The following CYP11A1 variants were observed in gnomAD, a reference collection of about 807,000 sequenced individuals.
CYP11A1 encodes the protein cholesterol side-chain cleavage enzyme, mitochondrial.
A neutral mutation model predicts 51.9 loss-of-function variants in CYP11A1; 25 were observed. The observed-to-expected ratio is 0.48, with a 90% confidence interval of 0.35 to 0.67. The LOEUF is 0.67. Among genes scored for constraint, CYP11A1 ranks in the 30% least tolerant of loss-of-function variants. The probability of loss-of-function intolerance (pLI) is 0.00; values close to 1 mark genes in which losing one functional copy is unlikely to be tolerated. For missense variants in CYP11A1, 578 were observed against 680.9 expected, an observed-to-expected ratio of 0.85 and a Z score of 1.68; for synonymous variants, 245 against 262.1, an observed-to-expected ratio of 0.93 and a Z score of 0.63.
At chr15:74,349,969 A>G (rs1167630064) in intron 1 of CYP11A1, among the ~76,000 whole-genome samples, 1 of 152,178 alleles carries the variant, frequency 6.6e-6, no homozygotes, top group Non-Finnish European at 1.5e-5. Context: ...GTAAATATTA[A>G]TAAGATAGAT....
In CYP11A1 at chr15:74,345,706, A is replaced by G. The variant is rs2060629775; in HGVS notation, c.426-463T>C. On this transcript the variant is annotated intron_variant, in intron 2 of 8. Transcript: ENST00000268053. This position sits in a 1 kb window ranked among gnomAD's most constrained non-coding sequence, Gnocchi z 4.3. ...GCCTCTCCTCCTCTGCACCCCCAAC[A>G]CGTCCCATTACTCACTTCTGTCGGG... 6.6e-6 allele frequency among the ~76,000 whole-genome samples: 1 copy of G among 151,884 alleles called. No individual in the cohort carries two copies. The highest frequency in any genetic ancestry group is 2.1e-4 in the South Asian group (1 of 4,814).
rs1010174405 is a variant in CYP11A1 at position 74,345,540 on chromosome 15, T to C, written c.426-297A>G. 2.0e-5 allele frequency among the ~76,000 whole-genome samples: 3 copies of C among 152,188 alleles called. No individual in the cohort carries two copies. The highest frequency in any genetic ancestry group is 4.4e-5 in the Non-Finnish European group (3 of 68,030). On this transcript the variant is annotated intron_variant, in intron 2 of 8. Coordinates refer to ENST00000268053, the MANE Select transcript of CYP11A1 (RefSeq NM_000781.3). This position sits in a 1 kb window ranked among gnomAD's most constrained non-coding sequence, Gnocchi z 4.3. ...ATATTCTTAGAACCCTTTGTGTAACTTTCAGTCTCTCCAGTCTTTGCCTCA... is the reference window on the plus strand; with the variant it reads ...ATATTCTTAGAACCCTTTGTGTAACCTTCAGTCTCTCCAGTCTTTGCCTCA...
chr15:74,358,195 C>T (rs1043447189), intron 1 of CYP11A1, among the ~76,000 whole-genome samples: 1 of 152,206 alleles, frequency 6.6e-6, no homozygotes, highest in Non-Finnish European at 1.5e-5. Context: ...TCCCATTGCT[C>T]TGGGCAATGC....
rs756539849 is a variant in CYP11A1, at chr15:74,345,138, G to C, written c.531C>G (p.Asp177Glu). 4 of 1,614,158 alleles carry C rather than the reference G, an allele frequency of 2.5e-6. No individual in the cohort carries two copies. In the Admixed American group the frequency reaches 6.7e-5, roughly 27 times the overall value. The stretch of plus-strand genomic sequence containing the variant: ...TGCGCCTGTGCAGGACACTGACGAA[G>C]TCCCGAGACACTGCATCCAACAGGG... ...FLPLLDAVSR[D>E]FVSVLHRRIK... is the part of the protein sequence containing the mutation. Residue 177 changes from aspartate to glutamate, a missense_variant, in exon 3 of 9, where the codon GAC becomes GAG. Coordinates refer to ENST00000268053, the MANE Select transcript of CYP11A1 (RefSeq NM_000781.3). The surrounding 1 kb of genome is among the most constrained non-coding windows in gnomAD (Gnocchi z 4.3).
At chr15:74,338,520 A>G (rs774511568) in intron 8 of CYP11A1, 51 bp downstream of exon 8, 3 of 1,589,028 alleles carry the variant, frequency 1.9e-6, no homozygotes, top group Non-Finnish European at 2.6e-6. Flanking sequence ...TGGTGCCTTC[A>G]TTAGGGCCAG....
intron 5 of CYP11A1, among the ~76,000 whole-genome samples, chr15:74,340,260 C>T (rs1224618031): frequency 1.3e-5 from 2 of 152,212 alleles, no homozygotes; most frequent in African/African-American, 2.4e-5. Context: ...CCAGACCAGC[C>T]GGATGTTTCC....
intron 1 of CYP11A1, chr15:74,359,441 A>G (rs1567057114): frequency 6.6e-6 from 1 of 152,368 alleles, no homozygotes; most frequent in Non-Finnish European, 1.5e-5. Context: ...ACCTGCACGT[A>G]TGCACCCAGA....
In CYP11A1 at chr15:74,348,164, G is replaced by A. The variant is rs777330595; in HGVS notation, c.270-109C>T. Reference sequence around the variant, plus strand: ...ACAACTTGCTGACTGTGGGACCTGAGTCGAGGCCCTTAACCCCTCTGAGTC... The same window carrying A: ...ACAACTTGCTGACTGTGGGACCTGAATCGAGGCCCTTAACCCCTCTGAGTC... On this transcript the variant is annotated intron_variant, in intron 1 of 8. Transcript: ENST00000268053. 7.0e-6 allele frequency: 9 copies of A among 1,290,702 alleles called. No individual in the cohort carries two copies. The Admixed American group carries it at 1.6e-4, about 23-fold the overall frequency. 80.0% of individuals were successfully genotyped at this position (1,290,702 alleles called of 1,614,324 possible).
intron 1 of CYP11A1, 92 bp from the exon 2 acceptor site, chr15:74,348,147 C>G: frequency 6.8e-7 from 1 of 1,465,478 alleles, no homozygotes; most frequent in Non-Finnish European, 9.4e-7. Flanking sequence ...CCACAACTTG[C>G]TGACTGTGGG....
chr15:74,366,601 T>G (rs1394345948), intron 1 of CYP11A1: 3 of 151,714 alleles, frequency 2.0e-5, no homozygotes, highest in African/African-American at 4.9e-5. Context: ...ATTACAAGCG[T>G]GAGCCACCGC....
rs2060739535 is a variant in CYP11A1, at chr15:74,367,434, A to T, written c.152T>A (p.Ile51Asn). 1.2e-6 allele frequency: 2 copies of T among 1,614,046 alleles called. No homozygotes were observed. The highest frequency in any genetic ancestry group is 1.7e-6 in the Non-Finnish European group (2 of 1,180,042). Residue 51 changes from isoleucine (I) to asparagine (N), a missense_variant, in exon 1 of 9, where the codon ATC becomes AAC. Physicochemically the swap from Ile to Asn is moderately radical, Grantham distance 149. Coordinates refer to ENST00000268053, the MANE Select transcript of CYP11A1 (RefSeq NM_000781.3). ...STRSPRPFNE[I>N]PSPGDNGWLN... is the part of the protein sequence containing the mutation. Reference sequence around the variant, plus strand: ...CCAGCCATTGTCACCAGGAGAGGGGATCTCATTGAAGGGGCGAGGACTGCG... The same window carrying T: ...CCAGCCATTGTCACCAGGAGAGGGGTTCTCATTGAAGGGGCGAGGACTGCG...
At chr15:74,362,703 A>T (rs1382357307) in intron 1 of CYP11A1, 1 of 152,284 alleles carries the variant, frequency 6.6e-6, no homozygotes, top group Non-Finnish European at 1.5e-5. Context: ...AAGTTCACAG[A>T]TTAAGACTTC....
At position 74,345,084 on chromosome 15, in the gene CYP11A1, C is replaced by T. The variant is rs771665524; in HGVS notation, c.585G>A (p.Ser195=). The T allele has an allele frequency of 1.2e-5, 20 of 1,613,904 alleles. No individual in the cohort carries two copies. The highest frequency in any genetic ancestry group is 3.3e-5 in the Admixed American group (2 of 59,996). The part of the protein sequence containing the change: ...RIKKAGSGNY[S]GDISDDLFRF... ...GGAACAGGTCATCACTGATGTCCCC[C>T]GAGTAATTTCCGGAGCCCGCCTTCT... Residue 195 remains serine (S), a synonymous_variant, in exon 3 of 9, where the codon TCG becomes TCA. Transcript: ENST00000268053. This position sits in a 1 kb window ranked among gnomAD's most constrained non-coding sequence, Gnocchi z 4.3.
intron 1 of CYP11A1, among the ~76,000 whole-genome samples, chr15:74,355,607 C>G (rs1194020557): frequency 1.3e-5 from 2 of 152,134 alleles, no homozygotes; most frequent in African/African-American, 4.8e-5. Flanking sequence ...CCAATTCTTC[C>G]TCAGTTTCTG....
intron 1 of CYP11A1, among the ~76,000 whole-genome samples, chr15:74,356,752 T>C (rs1466234654): frequency 6.6e-6 from 1 of 152,062 alleles, no homozygotes; most frequent in East Asian, 1.9e-4. Flanking sequence ...CCACACCTTA[T>C]TGCCACCCTT....
At position 74,345,011 on chromosome 15, in the gene CYP11A1, T is replaced by A. The variant is rs2060625651; in HGVS notation, c.625+33A>T. On this transcript the variant is annotated intron_variant, in intron 3 of 8. Transcript: ENST00000268053. The surrounding 1 kb of genome is among the most constrained non-coding windows in gnomAD (Gnocchi z 4.3). Reference sequence around the variant, plus strand: ...TGAACACTGAGTCCTCCCACCCCCATGCCCACTGCCAGCCAGGTGCAAGCC... The same window carrying A: ...TGAACACTGAGTCCTCCCACCCCCAAGCCCACTGCCAGCCAGGTGCAAGCC... 3 of 1,595,480 alleles carry A rather than the reference T, an allele frequency of 1.9e-6. No individual in the cohort carries two copies. The highest frequency in any genetic ancestry group is 2.6e-6 in the Non-Finnish European group (3 of 1,163,228).
intron 7 of CYP11A1, 118 bp downstream of exon 7, chr15:74,339,119 C>T (rs1036087785): frequency 3.5e-6 from 3 of 863,534 alleles, no homozygotes; most frequent in Non-Finnish European, 5.8e-6. Flanking sequence ...TTCATTCAGA[C>T]TTAGACTGCT....
At position 74,367,488 on chromosome 15, in the gene CYP11A1, G is replaced by A; in HGVS notation, c.98C>T (p.Pro33Leu). ...PREGLGRLRVPTGEGAGISTR... is the reference protein window; with the variant it reads ...PREGLGRLRVLTGEGAGISTR... ...GGAGATGCCAGCTCCCTCGCCAGTG[G>A]GCACCCTGAGACGCCCCAGCCCCTC... The change falls in exon 1 of 9, where the codon CCC (proline) becomes CTC (leucine). Residue 33 changes from proline (P) to leucine (L), a missense_variant. Physicochemically the swap from Pro to Leu is moderately conservative, Grantham distance 98 (BLOSUM62 -3). Transcript: ENST00000268053. 6.2e-7 allele frequency: 1 copy of A among 1,614,214 alleles called. No individual in the cohort carries two copies. The highest frequency in any genetic ancestry group is 8.5e-7 in the Non-Finnish European group (1 of 1,180,036).
chr15:74,350,009 G>A (rs550303647), intron 1 of CYP11A1, among the ~76,000 whole-genome samples: 304 of 152,116 alleles, frequency 2.0e-3, no homozygotes, highest in Non-Finnish European at 3.4e-3. Context: ...ATAAATAAAC[G>A]AAACGAGATC....
Sources: allele counts gnomAD v4.1 joint callset (sites outside exome capture counted in the v4.1 genomes callset), GRCh38; gene constraint gnomAD v4.1.1; non-coding constraint Gnocchi (gnomAD v3.1); transcripts MANE v1.5; gene names NCBI Gene and HGNC (gene_info 2026-07-23, HGNC 2026-07-21).